PAK4: variants seen among roughly 807,000 people sequenced by gnomAD.
The protein encoded by PAK4 is p21 (RAC1) activated kinase 4.
Under a neutral mutation model 53.5 loss-of-function variants are expected in PAK4, and 49 were observed. That is an observed-to-expected ratio of 0.92 (90% CI 0.73 to 1.16). The LOEUF (loss-of-function observed/expected upper bound fraction) is 1.16. Ranked by LOEUF, PAK4 falls within the 50% of genes most tolerant of loss-of-function variation. The pLI, the probability that PAK4 is intolerant of heterozygous loss-of-function variation, is 0.00. For missense variants in PAK4, 824 were observed against 850.7 expected (o/e 0.97, Z 0.39); for synonymous variants, 376 against 375.6 (o/e 1.00, Z -0.01).
At chr19:39,158,556 G>A (rs771978987) in intron 1 of PAK4, among the ~76,000 whole-genome samples, 7 of 152,246 alleles carry the variant, frequency 4.6e-5, no homozygotes, top group Non-Finnish European at 8.8e-5. Flanking sequence ...CCCACCCTGA[G>A]TACCTCTGGG....
chr19:39,167,032 C>CG (rs1446772149), intron 1 of PAK4, among the ~76,000 whole-genome samples: 2 of 152,210 alleles, frequency 1.3e-5, no homozygotes, highest in Non-Finnish European at 2.9e-5. Flanking sequence ...GGCCAGGCGT[C>CG]GGAGGACATC....
At chr19:39,131,030 C>T (rs2145098588) in intron 1 of PAK4, among the ~76,000 whole-genome samples, 2 of 152,152 alleles carry the variant, frequency 1.3e-5, no homozygotes, top group Admixed American at 1.3e-4. Flanking sequence ...CTCACTTCAT[C>T]TTCACAGCAA....
chr19:39,176,348 G>C, intron 6 of PAK4: 1 of 559,472 alleles, frequency 1.8e-6, no homozygotes, highest in South Asian at 1.9e-5. Context: ...AAAAGCCCCA[G>C]AGGCTGTCAG....
At chr19:39,170,501 G>A (rs1366922212) in intron 2 of PAK4, among the ~76,000 whole-genome samples, 1 of 152,224 alleles carries the variant, frequency 6.6e-6, no homozygotes, top group Non-Finnish European at 1.5e-5. Context: ...GTCTGGGTGT[G>A]GCCTGGCATG....
rs759813650 is a variant in PAK4, at chr19:39,178,416, C to T, written c.1621-8C>T. 1.9e-6 allele frequency: 3 copies of T among 1,577,290 alleles called. No homozygotes were observed. Among genetic ancestry groups the T allele is most frequent in the Admixed American group, 3.7e-5 (2 of 54,660 alleles). ...CTCGCCCCCTGACCCTCCCCTCCTT[C>T]TCGACAGGTGTCGCCATCCCTGAAG... On this transcript the variant is annotated splice_polypyrimidine_tract_variant and splice_region_variant and intron_variant, in intron 8 of 8. Coordinates refer to ENST00000358301, the Ensembl canonical transcript of PAK4. The surrounding 1 kb of genome is among the most constrained non-coding windows in gnomAD (Gnocchi z 4.4).
intron 1 of PAK4, among the ~76,000 whole-genome samples, chr19:39,162,301 T>G (rs2074297626): frequency 6.6e-6 from 1 of 150,654 alleles, no homozygotes; most frequent in Admixed American, 6.6e-5. Context: ...CCCTGTCACC[T>G]AGGCTGGAGT....
chr19:39,165,474 C>T (rs1252484244), intron 1 of PAK4, among the ~76,000 whole-genome samples: 1 of 150,204 alleles, frequency 6.7e-6, no homozygotes, highest in African/African-American at 2.4e-5. Flanking sequence ...GAGATTGCAC[C>T]ACTGCACTCC....
intron 1 of PAK4, chr19:39,152,462 A>G (rs1434122674): frequency 6.6e-6 from 1 of 152,236 alleles, no homozygotes; most frequent in Non-Finnish European, 1.5e-5. Context: ...TGGATATGCC[A>G]AAGAGAAGCT....
intron 1 of PAK4, among the ~76,000 whole-genome samples, chr19:39,127,149 T>C (rs1463101733): frequency 6.6e-6 from 1 of 152,064 alleles, no homozygotes; most frequent in Admixed American, 6.6e-5. Context: ...CCGACGGGCT[T>C]CTGACTGGGG....
rs1465847544 is a variant in PAK4, at chr19:39,131,129, A to G, written c.-23+5210A>G. On this transcript the variant is annotated intron_variant, in intron 1 of 8. Transcript: ENST00000358301. ...CGGGACTTGCTTAAGGTCACACAGC[A>G]GGCAGTGGCAGAGGTAGGATTGAAC... Among the ~76,000 whole-genome samples the G allele has an allele frequency of 3.3e-5, 5 of 152,126 alleles. No individual in the cohort carries two copies. In the East Asian group the frequency reaches 9.6e-4, roughly 29 times the overall value.
intron 1 of PAK4, among the ~76,000 whole-genome samples, chr19:39,150,088 C>T (rs1222114578): frequency 6.6e-6 from 1 of 152,046 alleles, no homozygotes; most frequent in African/African-American, 2.4e-5. Context: ...GATAAATATG[C>T]TGTATATTTT....
chr19:39,134,649 G>C (rs2073777138), intron 1 of PAK4, among the ~76,000 whole-genome samples: 1 of 151,800 alleles, frequency 6.6e-6, no homozygotes, highest in Non-Finnish European at 1.5e-5. Flanking sequence ...ACCCAGGCTG[G>C]AGTGCAGTGG....
chr19:39,148,465 G>GTTTTTTTTT (rs1568506439), intron 1 of PAK4, among the ~76,000 whole-genome samples: 14 of 9,124 alleles, frequency 1.5e-3, no homozygotes, highest in Non-Finnish European at 2.2e-3. Flanking sequence ...AGTTTCTTCT[G>GTTTTTTTTT]CTTTTTTTTT....
chr19:39,155,556 C>G (rs2074165037), intron 1 of PAK4, among the ~76,000 whole-genome samples: 1 of 152,186 alleles, frequency 6.6e-6, no homozygotes, highest in Admixed American at 6.5e-5. Flanking sequence ...ACAGTGTTCA[C>G]AGGAGAAACA....
chr19:39,132,290 A>G (rs1368941568), intron 1 of PAK4, among the ~76,000 whole-genome samples: 1 of 152,200 alleles, frequency 6.6e-6, no homozygotes, highest in African/African-American at 2.4e-5. Context: ...ACACAGCACA[A>G]AAGGATGTAC....
chr19:39,143,064 C>T (rs753623957), intron 1 of PAK4, among the ~76,000 whole-genome samples: 26 of 152,058 alleles, frequency 1.7e-4, no homozygotes, highest in Non-Finnish European at 3.2e-4. Flanking sequence ...TGCTCAGACG[C>T]CACCCCTTTA....
At chr19:39,127,768 G>A (rs1396223322) in intron 1 of PAK4, among the ~76,000 whole-genome samples, 2 of 152,194 alleles carry the variant, frequency 1.3e-5, no homozygotes, top group African/African-American at 4.8e-5. Flanking sequence ...TCTTCAGAGA[G>A]CCGGGAGAGT....
intron 1 of PAK4, among the ~76,000 whole-genome samples, chr19:39,153,002 G>C (rs2145196245): frequency 6.6e-6 from 1 of 152,158 alleles, no homozygotes; most frequent in South Asian, 2.1e-4. Flanking sequence ...CTCCTGCGGG[G>C]GTTCTGGAGC....
chr19:39,175,547 T>G lies in PAK4; in HGVS notation c.1359+109T>G, dbSNP rs1189051156. ...AGGTGAGCTCTGACCCCCAGGTCTG[T>G]GTCTTGAGGAGCTGGGAACTTCGTC... On this transcript the variant is annotated intron_variant, in intron 6 of 8. Coordinates refer to ENST00000358301, the Ensembl canonical transcript of PAK4. This position sits in a 1 kb window ranked among gnomAD's most constrained non-coding sequence, Gnocchi z 4.7. 8.3e-7 allele frequency: 1 copy of G among 1,207,156 alleles called. No homozygotes were observed. The highest frequency in any genetic ancestry group is 1.2e-6 in the Non-Finnish European group (1 of 866,070). 74.8% of individuals were successfully genotyped at this position (1,207,156 alleles called of 1,614,324 possible).
Sources: gnomAD v4.1 joint callset for allele counts (sites outside exome capture counted in the v4.1 genomes callset) on GRCh38, gnomAD v4.1.1 for gene constraint, Gnocchi (gnomAD v3.1) non-coding constraint, MANE v1.5 for transcripts, NCBI Gene and HGNC (gene_info 2026-07-23, HGNC 2026-07-21) for gene names.